The following ARMH3 variants were observed in gnomAD, a reference collection of about 807,000 sequenced individuals.
ARMH3 encodes the protein armadillo-like helical domain-containing protein 3.
Under a neutral mutation model 99.1 loss-of-function variants are expected in ARMH3, and 60 were observed. The observed-to-expected ratio is 0.61, with a 90% CI of 0.49 to 0.75. The LOEUF is 0.75. Ranked by LOEUF, ARMH3 falls within the 30% of genes least tolerant of loss-of-function variation. The pLI is 0.00. For synonymous variants in ARMH3, 285 were observed against 292.8 expected, an observed-to-expected ratio of 0.97 and a Z score of 0.27; for missense variants, 679 against 843.1, an observed-to-expected ratio of 0.81 and a Z score of 2.41.
chr10:101,873,827 T>C (rs955942605), intron 24 of ARMH3, among the ~76,000 whole-genome samples: 1 of 152,258 alleles, frequency 6.6e-6, no homozygotes, highest in Non-Finnish European at 1.5e-5. Flanking sequence ...CTTCTTTTTT[T>C]ATGGCTGAAT....
chr10:101,972,642 G>A lies in ARMH3; in HGVS notation c.1495+2570C>T, dbSNP rs368682394. On this transcript the variant is annotated intron_variant, in intron 20 of 25. Coordinates refer to ENST00000370033, the MANE Select transcript of ARMH3 (RefSeq NM_024541.3). The stretch of plus-strand genomic sequence containing the variant: ...TATTATACATGTGACTGCATAGGAT[G>A]CAACGTTGTGTTTTGCAGCTTTCCT... Among the ~76,000 whole-genome samples the A allele has an allele frequency of 2.4e-4, 36 of 152,326 alleles. No homozygotes were observed. In the East Asian group the frequency reaches 6.6e-3, roughly 28 times the overall value.
At chr10:101,884,485 G>A (rs2067492912) in intron 24 of ARMH3, among the ~76,000 whole-genome samples, 1 of 152,282 alleles carries the variant, frequency 6.6e-6, no homozygotes, top group East Asian at 1.9e-4. Context: ...GCCAAATCCA[G>A]TAAGGAATAA....
rs531788362 is a variant in ARMH3 at position 101,847,718 on chromosome 10, G to A, written c.1978-98C>T. The A allele has an allele frequency of 1.2e-5, 13 of 1,046,822 alleles. No individual in the cohort carries two copies. The South Asian group carries it at 1.7e-4, about 14-fold the overall frequency. 64.8% of individuals were successfully genotyped at this position (1,046,822 alleles called of 1,614,324 possible). A position where few individuals can be genotyped will look rare whatever the true frequency, so the allele number is the denominator to read the frequency against. ...GCAGAGGACAGTGCCTGCTACACGG[G>A]GCACTAGAAGTCTCTCTCTTAGGAA... On this transcript the variant is annotated intron_variant, in intron 25 of 25. Transcript: ENST00000370033.
chr10:101,933,190 T>A (rs558376636), intron 23 of ARMH3, among the ~76,000 whole-genome samples: 3 of 151,396 alleles, frequency 2.0e-5, no homozygotes, highest in East Asian at 1.9e-4. Flanking sequence ...TATCTCAATT[T>A]AAAAAAAAAT....
rs896566539 is a variant in ARMH3 at position 101,853,886 on chromosome 10, G to A, written c.1861-3994C>T. ...TCCCAGCACTTTGGGAGGTCGAGGC[G>A]GATGGATCGCGAGGTTAAGAGTTCG... On this transcript the variant is annotated intron_variant, in intron 24 of 25. Coordinates refer to ENST00000370033, the MANE Select transcript of ARMH3 (RefSeq NM_024541.3). Among the ~76,000 whole-genome samples the A allele has an allele frequency of 1.1e-4, 16 of 152,184 alleles. 1 individual carries two copies. Among genetic ancestry groups the A allele is most frequent in the South Asian group, 6.2e-4 (3 of 4,826 alleles).
At position 101,975,196 on chromosome 10, in the gene ARMH3, C is replaced by G. The variant is rs1418675780; in HGVS notation, c.1495+16G>C. ...AGGTATAGAAAAAGGAAGATGAATTCAAGAGAGAAAGTTACCTGACCAGAG... is the reference window on the plus strand; with the variant it reads ...AGGTATAGAAAAAGGAAGATGAATTGAAGAGAGAAAGTTACCTGACCAGAG... On this transcript the variant is annotated intron_variant, in intron 20 of 25. Coordinates refer to ENST00000370033, the MANE Select transcript of ARMH3 (RefSeq NM_024541.3). 2.5e-6 allele frequency: 4 copies of G among 1,598,420 alleles called. No homozygotes were observed. The highest frequency in any genetic ancestry group is 1.3e-5 in the African/African-American group (1 of 74,508).
chr10:101,952,150 A>G (rs1269106320), intron 22 of ARMH3, among the ~76,000 whole-genome samples: 1 of 152,226 alleles, frequency 6.6e-6, no homozygotes, highest in Non-Finnish European at 1.5e-5. Flanking sequence ...AACAAAATAA[A>G]GAACAGACTA....
chr10:101,859,695 A>G (rs2066818003), intron 24 of ARMH3, among the ~76,000 whole-genome samples: 1 of 152,264 alleles, frequency 6.6e-6, no homozygotes, highest in Non-Finnish European at 1.5e-5. Context: ...CAATCTAAGC[A>G]GAGAAACATG....
intron 23 of ARMH3, among the ~76,000 whole-genome samples, chr10:101,936,387 G>C (rs1219995216): frequency 6.6e-6 from 1 of 151,272 alleles, no homozygotes; most frequent in Non-Finnish European, 1.5e-5. Context: ...AGCTACTCAG[G>C]AGGCTGAGGC....
intron 24 of ARMH3, among the ~76,000 whole-genome samples, chr10:101,887,856 T>C (rs2067590651): frequency 6.6e-6 from 1 of 152,206 alleles, no homozygotes; most frequent in South Asian, 2.1e-4. Flanking sequence ...AGAGGCACTT[T>C]CATCATTTCA....
At chr10:102,011,623 C>T in intron 11 of ARMH3, 100 bp downstream of exon 11, 1 of 911,412 alleles carries the variant, frequency 1.1e-6, no homozygotes, top group Non-Finnish European at 1.7e-6. Context: ...GTCATCATGC[C>T]ATCACTTCAA....
intron 23 of ARMH3, among the ~76,000 whole-genome samples, chr10:101,926,856 T>C (rs1213388273): frequency 6.6e-6 from 1 of 152,190 alleles, no homozygotes; most frequent in Non-Finnish European, 1.5e-5. Flanking sequence ...GGGATAGTTA[T>C]GCCAGCCAAA....
chr10:101,854,858 T>C (rs1345365866), intron 24 of ARMH3, among the ~76,000 whole-genome samples: 2 of 151,634 alleles, frequency 1.3e-5, no homozygotes, highest in Non-Finnish European at 2.9e-5. Flanking sequence ...TAACATGAGA[T>C]TAACGATTGT....
intron 23 of ARMH3, among the ~76,000 whole-genome samples, chr10:101,935,032 T>C (rs568640536): frequency 6.6e-6 from 1 of 152,028 alleles, no homozygotes; most frequent in South Asian, 2.1e-4. Flanking sequence ...CTGAATTTCC[T>C]AAACCAAGAC....
At chr10:101,985,246 G>A (rs576960793) in intron 19 of ARMH3, among the ~76,000 whole-genome samples, 73 of 145,932 alleles carry the variant, frequency 5.0e-4, no homozygotes, top group Admixed American at 2.6e-3. Context: ...GTATATATAC[G>A]TGTGTATATA....
chr10:101,993,849 G>A (rs1286487281), intron 16 of ARMH3, among the ~76,000 whole-genome samples: 1 of 152,134 alleles, frequency 6.6e-6, no homozygotes, highest in Non-Finnish European at 1.5e-5. Flanking sequence ...AAATTAAGAC[G>A]CAGGGACTTA....
chr10:101,870,541 T>C (rs186080394), intron 24 of ARMH3, among the ~76,000 whole-genome samples: 1 of 152,298 alleles, frequency 6.6e-6, no homozygotes, highest in East Asian at 1.9e-4. Flanking sequence ...CACCATATAA[T>C]TTTTTCCAAC....
At chr10:101,864,068 A>AC (rs1480328603) in intron 24 of ARMH3, among the ~76,000 whole-genome samples, 9 of 126,154 alleles carry the variant, frequency 7.1e-5, no homozygotes, top group African/African-American at 2.3e-4. Context: ...CTCAAAAAAA[A>AC]AAAAAAAAAA....
intron 22 of ARMH3, among the ~76,000 whole-genome samples, chr10:101,942,646 G>A (rs1272171223): frequency 6.6e-6 from 1 of 152,094 alleles, no homozygotes; most frequent in East Asian, 1.9e-4. Flanking sequence ...TGGATCACTT[G>A]AGGTCAGGCA....
Sources: gnomAD v4.1 joint callset for allele counts (sites outside exome capture counted in the v4.1 genomes callset) on GRCh38, gnomAD v4.1.1 for gene constraint, MANE v1.5 for transcripts, NCBI Gene and HGNC (gene_info 2026-07-23, HGNC 2026-07-21) for gene names.